The following ANKS1B variants were observed in gnomAD, a reference collection of about 807,000 sequenced individuals.
ANKS1B encodes ankyrin repeat and sterile alpha motif domain containing 1B, also known as ankyrin repeat and sterile alpha motif domain-containing protein 1B.
Under a neutral mutation model 148.3 loss-of-function variants are expected in ANKS1B, and 36 were observed. The observed-to-expected ratio is 0.24, with a 90% confidence interval of 0.19 to 0.32. The LOEUF (loss-of-function observed/expected upper bound fraction) is 0.32. ANKS1B is among the 10% of genes least tolerant of loss of function. ANKS1B has a pLI of 1.00. For missense variants in ANKS1B, 1,157 were observed against 1,542.6 expected (o/e 0.75, Z 4.19); for synonymous variants, 542 against 560.8 (o/e 0.97, Z 0.47).
chr12:98,842,647 G>A (rs184622518), intron 17 of ANKS1B, among the ~76,000 whole-genome samples: 5 of 152,264 alleles, frequency 3.3e-5, no homozygotes, highest in Admixed American at 6.5e-5. Context: ...ATGCAGTATC[G>A]TATAAATAAG....
At chr12:99,064,359 G>A (rs1295838176) in intron 16 of ANKS1B, among the ~76,000 whole-genome samples, 1 of 152,204 alleles carries the variant, frequency 6.6e-6, no homozygotes, top group African/African-American at 2.4e-5. Flanking sequence ...GCAATGGACA[G>A]CAATGAAGGA....
At chr12:99,373,691 GT>G (rs143795955) in intron 12 of ANKS1B, among the ~76,000 whole-genome samples, 164 of 147,178 alleles carry the variant, frequency 1.1e-3, no homozygotes, top group African/African-American at 3.6e-3. Flanking sequence ...TTCATTTTTT[GT>G]TTTTTTTTTA....
rs370384569 is a variant in ANKS1B, at chr12:99,899,911, TTC to T, written c.135-74524_135-74523del. The stretch of plus-strand genomic sequence containing the variant: ...TAAAAAGAATTGTGATTTTTTTTTT[TTC>T]TTTTAGATGGAATCTCGCTTTGTCG... On this transcript the variant is annotated intron_variant, in intron 1 of 26. Transcript: ENST00000683438. 7.4e-4 allele frequency among the ~76,000 whole-genome samples: 108 copies of T among 145,278 alleles called. 2 individuals carry two copies. The highest frequency in any genetic ancestry group is 3.5e-3 in the South Asian group (16 of 4,550).
intron 9 of ANKS1B, among the ~76,000 whole-genome samples, chr12:99,623,365 T>A (rs1048980313): frequency 6.6e-6 from 1 of 151,978 alleles, no homozygotes; most frequent in African/African-American, 2.4e-5. Flanking sequence ...ATGGTCACTC[T>A]CACCACCCCT....
chr12:99,829,690 C>G (rs749795609), intron 1 of ANKS1B, among the ~76,000 whole-genome samples: 3 of 151,798 alleles, frequency 2.0e-5, no homozygotes, highest in Non-Finnish European at 4.4e-5. Context: ...ATTAGCCAAG[C>G]GTGGTGGTGC....
At chr12:99,716,200 C>A (rs570038189) in intron 8 of ANKS1B, among the ~76,000 whole-genome samples, 10 of 151,804 alleles carry the variant, frequency 6.6e-5, no homozygotes, top group African/African-American at 2.4e-4. Flanking sequence ...CCCTTATTTC[C>A]ATGCCCTGAC....
intron 17 of ANKS1B, among the ~76,000 whole-genome samples, chr12:98,974,948 T>C (rs1304075268): frequency 6.8e-6 from 1 of 146,664 alleles, no homozygotes; most frequent in Non-Finnish European, 1.5e-5. Flanking sequence ...TTTCCTTCCT[T>C]CATTTCTTCC....
At chr12:99,232,862 A>C (rs905017704) in intron 14 of ANKS1B, among the ~76,000 whole-genome samples, 3 of 152,112 alleles carry the variant, frequency 2.0e-5, no homozygotes, top group African/African-American at 7.2e-5. Context: ...CTCTGATAAA[A>C]AGGCAAGAAA....
At chr12:99,919,791 A>AAAAAC (rs752118693) in intron 1 of ANKS1B, among the ~76,000 whole-genome samples, 44 of 151,914 alleles carry the variant, frequency 2.9e-4, no homozygotes, top group African/African-American at 9.9e-4. Context: ...AAAAAAAAAA[A>AAAAAC]AAACCTGGAT....
intron 1 of ANKS1B, among the ~76,000 whole-genome samples, chr12:99,926,228 G>A (rs982022329): frequency 1.3e-5 from 2 of 152,188 alleles, no homozygotes; most frequent in South Asian, 2.1e-4. Context: ...GGACTGCAAA[G>A]TACAAAACAT....
intron 12 of ANKS1B, among the ~76,000 whole-genome samples, chr12:99,374,439 T>C (rs2093299306): frequency 6.6e-6 from 1 of 152,188 alleles, no homozygotes; most frequent in African/African-American, 2.4e-5. Flanking sequence ...GGTGTTAATA[T>C]GAGTGTACCC....
chr12:99,849,170 T>C (rs1344241037), intron 1 of ANKS1B, among the ~76,000 whole-genome samples: 1 of 152,106 alleles, frequency 6.6e-6, no homozygotes, highest in Non-Finnish European at 1.5e-5. Context: ...ATGTATTCCC[T>C]GAATCTAAAA....
At chr12:99,618,942 A>T in intron 9 of ANKS1B, among the ~76,000 whole-genome samples, 1 of 152,140 alleles carries the variant, frequency 6.6e-6, no homozygotes, top group East Asian at 1.9e-4. Context: ...AGTAGTCGGC[A>T]CTGGAATTGT....
At chr12:99,890,571 G>GT (rs2093043720) in intron 1 of ANKS1B, among the ~76,000 whole-genome samples, 1 of 688 alleles carries the variant, frequency 1.5e-3, no homozygotes, top group African/African-American at 5.7e-3. Flanking sequence ...CGCATTCATG[G>GT]TGTGTGTGTG....
At chr12:99,831,614 G>A (rs2084004318) in intron 1 of ANKS1B, among the ~76,000 whole-genome samples, 1 of 152,076 alleles carries the variant, frequency 6.6e-6, no homozygotes, top group African/African-American at 2.4e-5. Flanking sequence ...CCTGCCTCCA[G>A]AGCTTAGTAC....
At chr12:99,539,329 T>G (rs1392806642) in intron 9 of ANKS1B, among the ~76,000 whole-genome samples, 1 of 152,148 alleles carries the variant, frequency 6.6e-6, no homozygotes, top group East Asian at 1.9e-4. Context: ...AAGATGTAAT[T>G]TGTACAAAAG....
At chr12:99,099,556 C>T (rs564622264) in intron 15 of ANKS1B, among the ~76,000 whole-genome samples, 2 of 152,292 alleles carry the variant, frequency 1.3e-5, no homozygotes, top group African/African-American at 4.8e-5. Context: ...TTGGCTAGCT[C>T]CATGCCTGGA....
Position 98,744,914 on chromosome 12 carries a change from T to C in ANKS1B, c.*825A>G, listed in dbSNP as rs1275974038. 1.0e-6 allele frequency: 1 copy of C among 985,686 alleles called. No homozygotes were observed. Among genetic ancestry groups the C allele is most frequent in the East Asian group, 1.1e-4 (1 of 8,830 alleles). 61.1% of individuals were successfully genotyped at this position (985,686 alleles called of 1,614,324 possible). A position where few individuals can be genotyped will look rare whatever the true frequency, so the allele number is the denominator to read the frequency against. ...GCTCTAGGGAGCATCACCAGTATTT[T>C]GCCACCACTGAGCCAGTCCTCTTGG... is the stretch of plus-strand genomic sequence containing the variant. On this transcript the variant is annotated 3_prime_UTR_variant, in exon 27 of 27. Coordinates refer to ENST00000683438, the MANE Select transcript of ANKS1B (RefSeq NM_001352186.2).
intron 12 of ANKS1B, among the ~76,000 whole-genome samples, chr12:99,290,015 G>C (rs2079712151): frequency 6.6e-6 from 1 of 151,232 alleles, no homozygotes; most frequent in Non-Finnish European, 1.5e-5. Flanking sequence ...AAACAAAAAT[G>C]AAAACTTTTA....
Sources: gnomAD v4.1 joint callset for allele counts (sites outside exome capture counted in the v4.1 genomes callset) on GRCh38, gnomAD v4.1.1 for gene constraint, MANE v1.5 for transcripts, NCBI Gene and HGNC (gene_info 2026-07-23, HGNC 2026-07-21) for gene names.